PMPCA: variants seen among roughly 807,000 people sequenced by gnomAD.
PMPCA encodes the protein mitochondrial-processing peptidase subunit alpha.
A neutral mutation model predicts 59.3 loss-of-function variants in PMPCA; 47 were observed. That is an observed-to-expected ratio of 0.79 (90% CI 0.63 to 1.01). PMPCA has a LOEUF of 1.01. Among genes scored for constraint, PMPCA ranks in the 50% least tolerant of loss-of-function variants. PMPCA has a pLI of 0.00. For missense variants in PMPCA, 726 were observed against 704.5 expected (o/e 1.03, Z -0.34); for synonymous variants, 338 against 290.3 (o/e 1.16, Z -1.67).
At chr9:136,417,611 T>G (rs933801805) in intron 7 of PMPCA, among the ~76,000 whole-genome samples, 1 of 152,026 alleles carries the variant, frequency 6.6e-6, no homozygotes, top group Non-Finnish European at 1.5e-5. Context: ...TAGCTGGGAT[T>G]ACCACCACGC....
Position 136,419,105 on chromosome 9 carries a change from C to CGGTAAGTGCAGTGT in PMPCA, c.1263+2_1263+15dup, listed in dbSNP as rs1564424107. 1 of 1,612,786 alleles carries CGGTAAGTGCAGTGT rather than the reference C, an allele frequency of 6.2e-7. No homozygotes were observed. The highest frequency in any genetic ancestry group is 1.1e-5 in the South Asian group (1 of 91,058). ...ATTTTAATGGGCGGAACCGTGGACA[C>CGGTAAGTGCAGTGT]GGTAAGTGCAGTGTGGCGCCATTTC... On this transcript the variant is annotated frameshift_variant and splice_region_variant, in exon 11 of 13. Transcript: ENST00000371717. LOFTEE classifies it high-confidence loss of function.
At chr9:136,410,969 T>G (rs1300458186) in intron 1 of PMPCA, 1 of 394,898 alleles carries the variant, frequency 2.5e-6, no homozygotes, top group Non-Finnish European at 4.5e-6. Flanking sequence ...TCTCCCCCCC[T>G]CACTTCCCGG....
rs1463488360 is a variant in PMPCA at position 136,411,948 on chromosome 9, G to C, written c.72-49G>C. ...TAACCGCACCTAACAGGTCATCACA[G>C]GTTTGTTGTCTCAAGCCTGTTGTAA... On this transcript the variant is annotated intron_variant, in intron 1 of 12. Coordinates refer to ENST00000371717, the MANE Select transcript of PMPCA (RefSeq NM_015160.3). 7 of 1,112,372 alleles carry C rather than the reference G, an allele frequency of 6.3e-6. No individual in the cohort carries two copies. The South Asian group carries it at 8.9e-5, about 14-fold the overall frequency. The allele number at this position is 1,112,372 out of a possible 1,614,324, so 68.9% of individuals were successfully genotyped here.
At chr9:136,422,586 G>A (rs1282688720) in intron 12 of PMPCA, 10 of 1,012,838 alleles carry the variant, frequency 9.9e-6, no homozygotes, top group Non-Finnish European at 1.2e-5. Context: ...TGTCCCGTGT[G>A]GGCCCTCGTC....
Position 136,412,783 on chromosome 9 carries a change from T to G in PMPCA, c.355-27T>G. The G allele has an allele frequency of 7.9e-6, 11 of 1,400,794 alleles. 1 individual carries two copies. Among genetic ancestry groups the G allele is most frequent in the Non-Finnish European group, 1.1e-5 (11 of 986,444 alleles). 86.8% of individuals were successfully genotyped at this position (1,400,794 alleles called of 1,614,324 possible). A position where few individuals can be genotyped will look rare whatever the true frequency, so the allele number is the denominator to read the frequency against. On this transcript the variant is annotated intron_variant, in intron 3 of 12. Transcript: ENST00000371717. ...TTCAGGGATAGCCTGGATTGCTTAT[T>G]TAGGTTTCCTTATTTATTTTTACTA... is the stretch of plus-strand genomic sequence containing the variant.
chr9:136,418,985 A>C, intron 10 of PMPCA, 59 bp from the exon 11 acceptor site: 3 of 1,599,720 alleles, frequency 1.9e-6, no homozygotes, highest in Non-Finnish European at 2.6e-6. Context: ...CCCTGCCTAG[A>C]CGGGTCAGTA....
At position 136,412,231 on chromosome 9, in the gene PMPCA, C is replaced by T. The variant is rs769765477; in HGVS notation, c.274+32C>T. 1.0e-5 allele frequency: 15 copies of T among 1,503,480 alleles called. No individual in the cohort carries two copies. The East Asian group carries it at 1.4e-4, about 14-fold the overall frequency. 93.1% of individuals were successfully genotyped at this position (1,503,480 alleles called of 1,614,324 possible). On this transcript the variant is annotated intron_variant, in intron 2 of 12. Coordinates refer to ENST00000371717, the MANE Select transcript of PMPCA (RefSeq NM_015160.3). Reference sequence around the variant, plus strand: ...ACTGTTGTGTTGTCGTGGGTGGTCCCGCAGTTTTAACATGCACATGCTTTA... The same window carrying T: ...ACTGTTGTGTTGTCGTGGGTGGTCCTGCAGTTTTAACATGCACATGCTTTA...
At position 136,421,845 on chromosome 9, in the gene PMPCA, G is replaced by C; in HGVS notation, c.1277G>C (p.Arg426Pro). ...CCCTGGCCCCAGGTGGAGCTGGAAC[G>C]AGCCAAGACGCAGCTGACATCAATG... ...GGTVDTVELE[R>P]AKTQLTSMLM... The change falls in exon 12 of 13, where the codon CGA (arginine) becomes CCA (proline). Residue 426 changes from arginine (R) to proline (P), a missense_variant. Arg to Pro is a moderately radical substitution (Grantham distance 103). Transcript: ENST00000371717. The C allele has an allele frequency of 6.3e-7, 1 of 1,591,878 alleles. No individual in the cohort carries two copies. Among genetic ancestry groups the C allele is most frequent in the Non-Finnish European group, 8.6e-7 (1 of 1,165,004 alleles).
intron 7 of PMPCA, 121 bp downstream of exon 7, chr9:136,417,335 T>G: frequency 1.3e-6 from 1 of 764,920 alleles, no homozygotes; most frequent in Non-Finnish European, 2.0e-6. Flanking sequence ...TAGCTTTGCC[T>G]TAACACATGC....
At chr9:136,414,731 G>C in intron 5 of PMPCA, 84 bp downstream of exon 5, 2 of 823,798 alleles carry the variant, frequency 2.4e-6, no homozygotes, top group Non-Finnish European at 4.3e-6. Flanking sequence ...GTAGCCATGA[G>C]GGAGAGCACC....
rs199635711 is a variant in PMPCA, at chr9:136,418,036, A to T, written c.917A>T (p.Asn306Ile). The T allele has an allele frequency of 2.4e-5, 38 of 1,613,486 alleles. No individual in the cohort carries two copies. Among genetic ancestry groups the T allele is most frequent in the Non-Finnish European group, 3.0e-5 (35 of 1,179,478 alleles). ...GIAKLERDMS[N>I]VSLGPTPIPE... ...TTACAGCTAGAAAGAGACATGTCCAATGTCAGCCTGGGCCCGACCCCCATC... is the reference window on the plus strand; with the variant it reads ...TTACAGCTAGAAAGAGACATGTCCATTGTCAGCCTGGGCCCGACCCCCATC... Residue 306 changes from asparagine (N) to isoleucine (I), a missense_variant, in exon 8 of 13, where the codon AAT becomes ATT. Transcript: ENST00000371717.
At chr9:136,422,016 C>G (rs769191957) in intron 12 of PMPCA, 40 bp downstream of exon 12, 2 of 1,575,168 alleles carry the variant, frequency 1.3e-6, no homozygotes, top group East Asian at 2.4e-5. Context: ...CCGCAGGCCT[C>G]GGCCAGGCTC....
chr9:136,416,304 G>A lies in PMPCA; in HGVS notation c.546G>A (p.Glu182=). 2 of 1,613,626 alleles carry A rather than the reference G, an allele frequency of 1.2e-6. No individual in the cohort carries two copies. The highest frequency in any genetic ancestry group is 1.7e-6 in the Non-Finnish European group (2 of 1,179,770). The part of the protein sequence containing the change: ...LQPRLTDEEV[E]MTRMAVQFEL... ...GTTCTCTTGCAGATGAAGAAGTCGAGATGACGCGGATGGCGGTCCAGTTTG... is the reference window on the plus strand; with the variant it reads ...GTTCTCTTGCAGATGAAGAAGTCGAAATGACGCGGATGGCGGTCCAGTTTG... Residue 182 remains glutamate, a synonymous_variant, in exon 6 of 13, where the codon GAG becomes GAA. Transcript: ENST00000371717.
chr9:136,415,326 C>T (rs184583993), intron 5 of PMPCA, among the ~76,000 whole-genome samples: 1 of 152,338 alleles, frequency 6.6e-6, no homozygotes, highest in East Asian at 1.9e-4. Flanking sequence ...GTGCCCTCAT[C>T]CCTGTGGGAT....
chr9:136,422,624 C>T (rs1038471486), intron 12 of PMPCA: 38 of 1,008,472 alleles, frequency 3.8e-5, no homozygotes, highest in Non-Finnish European at 4.7e-6. Flanking sequence ...CGCTTAAATC[C>T]TCAAGCGAGT....
At position 136,414,593 on chromosome 9, in the gene PMPCA, T is replaced by C; in HGVS notation, c.478T>C (p.Leu160=). The C allele has an allele frequency of 6.2e-7, 1 of 1,613,776 alleles. No individual in the cohort carries two copies. Among genetic ancestry groups the C allele is most frequent in the Non-Finnish European group, 8.5e-7 (1 of 1,179,636 alleles). The change falls in exon 5 of 13, where the codon TTG becomes CTG. Residue 160 remains leucine (L), a synonymous_variant. Transcript: ENST00000371717. ...TGCTGTGTCTGCTGATAGCAAAGGC[T>C]TGGACACGGTGGTTGCCTTACTGGC... ...MYAVSADSKG[L]DTVVALLADV...
chr9:136,411,981 G>A lies in PMPCA; in HGVS notation c.72-16G>A, dbSNP rs751874990. The A allele has an allele frequency of 1.3e-5, 20 of 1,550,124 alleles. No individual in the cohort carries two copies. The highest frequency in any genetic ancestry group is 1.8e-5 in the Non-Finnish European group (20 of 1,124,916). Reference sequence around the variant, plus strand: ...GTCTCAAGCCTGTTGTAACTGGGCCGCTTTCTCTGTTTTAGGTTTGGACCT... The same window carrying A: ...GTCTCAAGCCTGTTGTAACTGGGCCACTTTCTCTGTTTTAGGTTTGGACCT... On this transcript the variant is annotated splice_polypyrimidine_tract_variant and intron_variant, in intron 1 of 12. Coordinates refer to ENST00000371717, the MANE Select transcript of PMPCA (RefSeq NM_015160.3).
At chr9:136,422,648 C>T (rs887583981) in intron 12 of PMPCA, 17 of 1,009,974 alleles carry the variant, frequency 1.7e-5, no homozygotes, top group East Asian at 1.9e-4. Context: ...CAGCCTCTCT[C>T]GGGCCTCGTT....
intron 3 of PMPCA, 40 bp from the exon 4 acceptor site, chr9:136,412,770 C>A: frequency 1.6e-6 from 2 of 1,231,368 alleles, no homozygotes; most frequent in South Asian, 1.2e-5. Flanking sequence ...CAGGGATAGC[C>A]TGGATTGCTT....
Sources: gnomAD v4.1 joint callset for allele counts (sites outside exome capture counted in the v4.1 genomes callset) on GRCh38, gnomAD v4.1.1 for gene constraint, MANE v1.5 for transcripts, NCBI Gene and HGNC (gene_info 2026-07-23, HGNC 2026-07-21) for gene names.